NBEA: variants seen among roughly 807,000 people sequenced by gnomAD.
NBEA encodes lysosomal-trafficking regulator 2.
Under a neutral mutation model 343.4 loss-of-function variants are expected in NBEA, and 44 were observed. That is an observed-to-expected ratio of 0.13 (90% CI 0.10 to 0.16). The LOEUF is 0.16. Among genes scored for constraint, NBEA ranks in the 10% least tolerant of loss-of-function variants. The pLI is 1.00. For missense variants in NBEA, 2,555 were observed against 3,631.3 expected (o/e 0.70, Z 7.62); for synonymous variants, 1,175 against 1,238.7 (o/e 0.95, Z 1.08).
chr13:35,667,487 A>G lies in NBEA; in HGVS notation c.8578A>G (p.Ile2860Val). 1.2e-6 allele frequency: 2 copies of G among 1,614,008 alleles called. No individual in the cohort carries two copies. The highest frequency in any genetic ancestry group is 2.2e-5 in the East Asian group (1 of 44,878). Residue 2860 changes from isoleucine (I) to valine (V), a missense_variant, in exon 57 of 59, where the codon ATA (isoleucine) becomes GTA (valine). Ile to Val is a conservative substitution (Grantham distance 29). Around this residue, in one of 21 missense-constraint regions of NBEA, gnomAD observed 186 missense variants for 328.9 expected, o/e 0.57. Coordinates refer to ENST00000379939, the MANE Select transcript of NBEA (RefSeq NM_001385012.1). ...TGTCTCCAGCGAAGGCCACTGTATC[A>G]TATACTATGAACGAGGGCGATTCAG... is the stretch of plus-strand genomic sequence containing the variant. ...ISVSSEGHCI[I>V]YYERGRFSNF... is the part of the protein sequence containing the mutation.
chr13:35,010,741 A>AAATATATAT (rs1555275017), intron 1 of NBEA, among the ~76,000 whole-genome samples: 1 of 31,958 alleles, frequency 3.1e-5, no homozygotes, highest in East Asian at 1.9e-3. Flanking sequence ...AAAAAAAAAA[A>AAATATATAT]ATATATATAT....
chr13:35,360,076 T>C (rs1383357505), intron 38 of NBEA, among the ~76,000 whole-genome samples: 1 of 152,016 alleles, frequency 6.6e-6, no homozygotes, highest in Non-Finnish European at 1.5e-5. Flanking sequence ...TCTTGCCCTG[T>C]ATTACACAGC....
At chr13:35,246,513 A>G (rs1490961102) in intron 34 of NBEA, among the ~76,000 whole-genome samples, 1 of 151,886 alleles carries the variant, frequency 6.6e-6, no homozygotes, top group Non-Finnish European at 1.5e-5. Flanking sequence ...TTTCCTAGGG[A>G]TGTGGCTTCC....
At chr13:35,001,043 C>T (rs1305425819) in intron 1 of NBEA, among the ~76,000 whole-genome samples, 4 of 151,932 alleles carry the variant, frequency 2.6e-5, no homozygotes, top group Admixed American at 6.6e-5. Context: ...CTCAGGTGAT[C>T]CTCTCATCTC....
chr13:35,062,225 A>C (rs1399616647), intron 8 of NBEA, among the ~76,000 whole-genome samples: 1 of 151,774 alleles, frequency 6.6e-6, no homozygotes, highest in Non-Finnish European at 1.5e-5. Context: ...ACTGAAAAAT[A>C]TATCGGAATT....
intron 45 of NBEA, among the ~76,000 whole-genome samples, chr13:35,579,281 G>T (rs2080893960): frequency 6.6e-6 from 1 of 151,770 alleles, no homozygotes; most frequent in Non-Finnish European, 1.5e-5. Context: ...TTATTTATTT[G>T]TATTTGTTTA....
chr13:35,086,605 C>T (rs144326474), intron 10 of NBEA, among the ~76,000 whole-genome samples: 23 of 151,990 alleles, frequency 1.5e-4, no homozygotes, highest in Middle Eastern at 3.4e-3. Flanking sequence ...TTGTGAATAG[C>T]GCTGTGTTAA....
chr13:35,090,948 C>T (rs752881347), intron 10 of NBEA, among the ~76,000 whole-genome samples: 2 of 151,974 alleles, frequency 1.3e-5, no homozygotes, highest in Admixed American at 6.6e-5. Flanking sequence ...TTATTATCCC[C>T]TAACATGAAT....
At chr13:35,021,623 C>CTT (rs568108394) in intron 1 of NBEA, among the ~76,000 whole-genome samples, 6,841 of 148,142 alleles carry the variant, frequency 0.046, 227 homozygotes, top group Non-Finnish European at 0.068. Flanking sequence ...ATTAACTACA[C>CTT]TTTTTTTTTT....
chr13:35,189,891 C>A (rs2072045129), intron 30 of NBEA, among the ~76,000 whole-genome samples: 1 of 152,012 alleles, frequency 6.6e-6, no homozygotes, highest in East Asian at 1.9e-4. Flanking sequence ...AAACTCTAGA[C>A]CTTTATAAGA....
At chr13:34,962,008 A>C (rs984678420) in intron 1 of NBEA, among the ~76,000 whole-genome samples, 1 of 152,096 alleles carries the variant, frequency 6.6e-6, no homozygotes. Context: ...TTGAAATGAT[A>C]TTTTGGATAT....
intron 38 of NBEA, among the ~76,000 whole-genome samples, chr13:35,361,890 G>C (rs991540643): frequency 3.9e-5 from 6 of 151,988 alleles, no homozygotes; most frequent in African/African-American, 1.2e-4. Context: ...GTTAACACCT[G>C]AGGGAGGATT....
At chr13:35,279,688 A>T (rs929603993) in intron 34 of NBEA, among the ~76,000 whole-genome samples, 6 of 152,212 alleles carry the variant, frequency 3.9e-5, no homozygotes, top group African/African-American at 1.2e-4. Context: ...CTAGTTTCAG[A>T]CTAGGAGGTC....
intron 56 of NBEA, among the ~76,000 whole-genome samples, chr13:35,666,796 C>T (rs2085375956): frequency 1.3e-5 from 2 of 152,092 alleles, no homozygotes; most frequent in African/African-American, 4.8e-5. Context: ...CACTCCTTAC[C>T]CTCCTTTCAC....
At chr13:35,225,032 A>G (rs1034308825) in intron 33 of NBEA, among the ~76,000 whole-genome samples, 1 of 152,018 alleles carries the variant, frequency 6.6e-6, no homozygotes, top group African/African-American at 2.4e-5. Context: ...GTTAGGTGCT[A>G]GTTTTTCAGA....
chr13:35,506,433 T>A (rs1011660262), intron 41 of NBEA, among the ~76,000 whole-genome samples: 7 of 152,118 alleles, frequency 4.6e-5, no homozygotes, highest in Admixed American at 6.6e-5. Context: ...TACTTAGAAT[T>A]TTTTTTTTAG....
At chr13:34,973,661 C>T (rs1434683446) in intron 1 of NBEA, among the ~76,000 whole-genome samples, 1 of 152,100 alleles carries the variant, frequency 6.6e-6, no homozygotes, top group Non-Finnish European at 1.5e-5. Context: ...GTCATCCAAA[C>T]AGCAAAGATG....
intron 48 of NBEA, among the ~76,000 whole-genome samples, chr13:35,612,422 G>A (rs1353301658): frequency 5.3e-5 from 8 of 152,100 alleles, no homozygotes; most frequent in Admixed American, 4.6e-4. Context: ...GTGAGCCACG[G>A]CGCCTGGCCT....
At position 35,664,503 on chromosome 13, in the gene NBEA, T is replaced by C. The variant is rs1230036616; in HGVS notation, c.8363-582T>C. Among the ~76,000 whole-genome samples the C allele has an allele frequency of 2.0e-5, 3 of 152,338 alleles. No homozygotes were observed. In the East Asian group the frequency reaches 5.8e-4, roughly 29 times the overall value. On this transcript the variant is annotated intron_variant, in intron 55 of 58. Transcript: ENST00000379939. ...AAAGAAGAGAAAAATATAGAACTTT[T>C]TACAAAAGGCATAACATTCTCTAAG...
Sources: allele counts gnomAD v4.1 joint callset (sites outside exome capture counted in the v4.1 genomes callset), GRCh38; gene constraint gnomAD v4.1.1; regional missense constraint gnomAD v4.1.1; transcripts MANE v1.5; gene names NCBI Gene and HGNC (gene_info 2026-07-23, HGNC 2026-07-21).